CCDC15: variants seen among roughly 807,000 people sequenced by gnomAD.
The protein encoded by CCDC15 is coiled-coil domain containing 15, also known as coiled-coil domain-containing protein 15.
Under a neutral mutation model 114.5 loss-of-function variants are expected in CCDC15, and 105 were observed. The observed-to-expected ratio is 0.92, with a 90% CI of 0.78 to 1.08. The LOEUF (loss-of-function observed/expected upper bound fraction) is 1.08. CCDC15 is among the 50% of genes least tolerant of loss of function. The probability of loss-of-function intolerance (pLI) is 0.00; values close to 1 mark genes in which losing one functional copy is unlikely to be tolerated. For synonymous variants in CCDC15, 334 were observed against 377.8 expected (o/e 0.88, Z 1.34); for missense variants, 1,105 against 1,093.6 (o/e 1.01, Z -0.15).
Position 124,986,709 on chromosome 11 carries a change from G to GCA in CCDC15, c.754-32_754-31insAC, listed in dbSNP as rs757150643. On this transcript the variant is annotated intron_variant, in intron 6 of 15. Transcript: ENST00000344762. ...TGTGTGTTTGTGTGTGTGCGCGCGC[G>GCA]CGCGTGCGCGTTTTCATTGTTTTTT... 4.9e-4 allele frequency: 685 copies of GCA among 1,410,444 alleles called. 17 individuals are homozygous for GCA. The highest frequency in any genetic ancestry group is 4.8e-3 in the African/African-American group (321 of 66,908). The allele number at this position is 1,410,444 out of a possible 1,614,324, so 87.4% of individuals were successfully genotyped here.
intron 10 of CCDC15, 70 bp from the exon 11 acceptor site, chr11:124,993,099 G>C (rs11605636): frequency 0.13 from 115,422 of 910,328 alleles, 10,147 homozygotes; most frequent in East Asian, 0.39. Flanking sequence ...TGTCACTGAA[G>C]TCTATAATAC....
At chr11:124,959,025 A>G in intron 2 of CCDC15, 90 bp from the exon 3 acceptor site, 1 of 794,174 alleles carries the variant, frequency 1.3e-6, no homozygotes, top group Non-Finnish European at 1.9e-6. Context: ...TCAGGATTGT[A>G]TCCTTATCCT....
chr11:125,037,960 C>G (rs983434947), intron 13 of CCDC15: 1 of 149,130 alleles, frequency 6.7e-6, no homozygotes, highest in African/African-American at 2.4e-5. Context: ...GCTCTGTTGC[C>G]CAGGCTGGAG....
chr11:125,034,606 T>G (rs1435696896), intron 13 of CCDC15, among the ~76,000 whole-genome samples: 1 of 152,196 alleles, frequency 6.6e-6, no homozygotes, highest in African/African-American at 2.4e-5. Context: ...TGTTCCTTGG[T>G]TCTCCACATA....
In CCDC15 at chr11:125,019,362, C is replaced by A. The variant is rs376713467; in HGVS notation, c.2411+14150C>A. The stretch of plus-strand genomic sequence containing the variant: ...CGTAGTGTTGAGTGCTTTAGAGACA[C>A]TAAGTTATTTACTTGTTTCAATAAC... On this transcript the variant is annotated intron_variant, in intron 13 of 15. Transcript: ENST00000344762. Among the ~76,000 whole-genome samples, 9 of 152,028 alleles carry A rather than the reference C, an allele frequency of 5.9e-5. No homozygotes were observed. In the East Asian group the frequency reaches 1.5e-3, roughly 26 times the overall value.
At chr11:125,038,739 A>T (rs1358471665) in intron 14 of CCDC15, 135 bp downstream of exon 14, 1 of 1,169,112 alleles carries the variant, frequency 8.6e-7, no homozygotes, top group Non-Finnish European at 1.2e-6. Flanking sequence ...TAACTTCACC[A>T]AATTTTTTGA....
At chr11:124,956,890 T>C (rs1313330663) in intron 2 of CCDC15, among the ~76,000 whole-genome samples, 2 of 152,174 alleles carry the variant, frequency 1.3e-5, no homozygotes, top group African/African-American at 2.4e-5. Flanking sequence ...CCTTAGATCA[T>C]GTCTGTTCTA....
At chr11:125,012,985 A>C (rs911663333) in intron 13 of CCDC15, among the ~76,000 whole-genome samples, 12 of 152,192 alleles carry the variant, frequency 7.9e-5, no homozygotes, top group Non-Finnish European at 1.8e-4. Context: ...GGAGATTATA[A>C]TATTGATCTT....
intron 6 of CCDC15, among the ~76,000 whole-genome samples, chr11:124,984,317 A>C (rs1305364245): frequency 3.3e-5 from 5 of 152,104 alleles, no homozygotes; most frequent in African/African-American, 9.7e-5. Flanking sequence ...GTCTGCCAGC[A>C]CAGGAGCTAT....
chr11:125,009,729 C>T (rs1025715022), intron 13 of CCDC15, among the ~76,000 whole-genome samples: 3 of 152,086 alleles, frequency 2.0e-5, no homozygotes, highest in Non-Finnish European at 2.9e-5. Flanking sequence ...AGTTTAGCTC[C>T]CACTTATAAG....
chr11:125,034,431 G>A (rs940100335), intron 13 of CCDC15, among the ~76,000 whole-genome samples: 2 of 152,162 alleles, frequency 1.3e-5, no homozygotes, highest in African/African-American at 4.8e-5. Context: ...GTTTTCCACA[G>A]CTTCATCTCT....
rs1440814465 is a variant in CCDC15, at chr11:125,040,786, T to C, written c.*75T>C. On this transcript the variant is annotated 3_prime_UTR_variant, in exon 16 of 16. Coordinates refer to ENST00000344762, the MANE Select transcript of CCDC15 (RefSeq NM_025004.3). ...CCCTGAGAGAGTATTTAAGAAAAGC[T>C]GTTCAAGTTATAAAATATATAATCT... 1 of 1,273,144 alleles carries C rather than the reference T, an allele frequency of 7.9e-7. No individual in the cohort carries two copies. The highest frequency in any genetic ancestry group is 2.4e-5 in the East Asian group (1 of 41,404). 78.9% of individuals were successfully genotyped at this position (1,273,144 alleles called of 1,614,324 possible). A position where few individuals can be genotyped will look rare whatever the true frequency, so the allele number is the denominator to read the frequency against.
intron 6 of CCDC15, among the ~76,000 whole-genome samples, chr11:124,978,873 T>C (rs1948020507): frequency 1.3e-5 from 2 of 152,214 alleles, no homozygotes; most frequent in South Asian, 4.1e-4. Context: ...TCTTTGCCTG[T>C]TTCTATGTCC....
chr11:124,985,098 TATATG>T (rs1318720230), intron 6 of CCDC15, among the ~76,000 whole-genome samples: 5 of 152,248 alleles, frequency 3.3e-5, no homozygotes, highest in African/African-American at 4.8e-5. Flanking sequence ...TGAAAGGAAT[TATATG>T]ATATATCGTC....
At chr11:124,970,634 C>A (rs1480421762) in intron 4 of CCDC15, among the ~76,000 whole-genome samples, 1 of 152,202 alleles carries the variant, frequency 6.6e-6, no homozygotes, top group Non-Finnish European at 1.5e-5. Context: ...CTCATCTATA[C>A]TCTTTTCCCA....
At chr11:124,954,437 A>G (rs1176307959) in intron 1 of CCDC15, 67 bp downstream of exon 1, 1 of 206,026 alleles carries the variant, frequency 4.9e-6, no homozygotes, top group East Asian at 1.2e-4. Flanking sequence ...CGCTGCGCCC[A>G]CAGCTGAGGA....
At chr11:124,979,435 GT>G (rs1335299680) in intron 6 of CCDC15, among the ~76,000 whole-genome samples, 1 of 152,136 alleles carries the variant, frequency 6.6e-6, no homozygotes, top group Non-Finnish European at 1.5e-5. Flanking sequence ...TTTTCCATTT[GT>G]TTGTGTCATC....
chr11:124,975,668 T>C (rs1046042525), intron 5 of CCDC15, among the ~76,000 whole-genome samples: 2 of 152,112 alleles, frequency 1.3e-5, no homozygotes, highest in African/African-American at 4.8e-5. Context: ...TGATAAGTGC[T>C]ATGAAGAGAA....
At chr11:124,995,070 G>C (rs1251644312) in intron 11 of CCDC15, among the ~76,000 whole-genome samples, 2 of 152,136 alleles carry the variant, frequency 1.3e-5, no homozygotes, top group Non-Finnish European at 2.9e-5. Flanking sequence ...TGGCCTAAGG[G>C]TATGCTGCTG....
Sources: allele counts gnomAD v4.1 joint callset (sites outside exome capture counted in the v4.1 genomes callset), GRCh38; gene constraint gnomAD v4.1.1; transcripts MANE v1.5; gene names NCBI Gene and HGNC (gene_info 2026-07-23, HGNC 2026-07-21).